NEXMIF: variants seen among roughly 807,000 people sequenced by gnomAD.
The protein encoded by NEXMIF is XLMR protein related to neurite extension.
NEXMIF carries 8 observed loss-of-function variants against 62.1 expected under a neutral mutation model. The ratio of observed to expected loss-of-function variants is 0.13; its 90% confidence interval spans 0.08 to 0.23. The LOEUF (loss-of-function observed/expected upper bound fraction) is 0.23. Among genes scored for constraint, NEXMIF ranks in the 10% least tolerant of loss-of-function variants. The pLI is 1.00. For missense variants in NEXMIF, 976 were observed against 1,113.3 expected (o/e 0.88, Z 1.75); for synonymous variants, 404 against 416.6 (o/e 0.97, Z 0.37).
At position 74,796,231 on chromosome X, in the gene NEXMIF, T is replaced by TATATATATATACATATATA. The variant is rs1569345250; in HGVS notation, c.-47-50535_-47-50534insTATATATGTATATATATAT. Among the ~76,000 whole-genome samples, 491 of 53,295 alleles carry TATATATATATACATATATA rather than the reference T, an allele frequency of 9.2e-3. 5 individuals carry two copies. The highest frequency in any genetic ancestry group is 0.018 in the Middle Eastern group (2 of 111). The allele number at this position is 53,295 out of a possible 115,157, so 46.3% of individuals were successfully genotyped here. ...ATATTATATATATATACATATATAA[T>TATATATATATACATATATA]ATATATATATATACACATATATATT... On this transcript the variant is annotated intron_variant, in intron 1 of 3. Transcript: ENST00000055682.
At chrX:74,904,296 T>C (rs1294332487) in intron 1 of NEXMIF, among the ~76,000 whole-genome samples, 1 of 111,884 alleles carries the variant, frequency 8.9e-6, no homozygotes, top group Non-Finnish European at 1.9e-5. Context: ...ATTGTTATTG[T>C]TGTTTTGTTT....
At chrX:74,807,501 C>T (rs937622536) in intron 1 of NEXMIF, among the ~76,000 whole-genome samples, 7 of 109,713 alleles carry the variant, frequency 6.4e-5, no homozygotes, top group East Asian at 2.9e-4. Context: ...CTTGCTTTGT[C>T]GCCTGGGCTG....
intron 1 of NEXMIF, among the ~76,000 whole-genome samples, chrX:74,844,553 G>A (rs997991010): frequency 1.3e-4 from 15 of 111,179 alleles, no homozygotes; most frequent in African/African-American, 3.3e-4. Flanking sequence ...CTCCCCTGGC[G>A]AGCCTCATGA....
chrX:74,833,529 T>C (rs766302843), intron 1 of NEXMIF, among the ~76,000 whole-genome samples: 7 of 111,993 alleles, frequency 6.3e-5, no homozygotes, highest in Non-Finnish European at 1.1e-4. Flanking sequence ...TTTCATCCAT[T>C]CAGCTATTTT....
At chrX:74,792,475 T>C (rs1485825917) in intron 1 of NEXMIF, among the ~76,000 whole-genome samples, 1 of 107,207 alleles carries the variant, frequency 9.3e-6, no homozygotes, top group African/African-American at 3.4e-5. Flanking sequence ...GAGAGTTCTG[T>C]AGATGTCTAT....
chrX:74,811,352 T>TTC (rs1569347814), intron 1 of NEXMIF, among the ~76,000 whole-genome samples: 1,369 of 111,159 alleles, frequency 0.012, 22 homozygotes, highest in African/African-American at 0.043. Flanking sequence ...CCGCATTCCA[T>TTC]CTGTAGGCTA....
chrX:74,794,472 G>C (rs1289366005), intron 1 of NEXMIF, among the ~76,000 whole-genome samples: 4 of 111,502 alleles, frequency 3.6e-5, no homozygotes, highest in Non-Finnish European at 3.8e-5. Context: ...TACAGAGGCA[G>C]GCAGGCCTCC....
intron 1 of NEXMIF, among the ~76,000 whole-genome samples, chrX:74,787,785 C>G (rs2147462141): frequency 8.9e-6 from 1 of 112,317 alleles, no homozygotes; most frequent in African/African-American, 3.2e-5. Flanking sequence ...AAAAACCTGA[C>G]AACAGTTATG....
chrX:74,863,716 A>G (rs2080566594), intron 1 of NEXMIF, among the ~76,000 whole-genome samples: 3 of 112,101 alleles, frequency 2.7e-5, no homozygotes, highest in African/African-American at 9.7e-5. Flanking sequence ...TTCTGAAACT[A>G]TTCTAAACAA....
chrX:74,833,962 C>T (rs1019696398), intron 1 of NEXMIF, among the ~76,000 whole-genome samples: 1 of 108,989 alleles, frequency 9.2e-6, no homozygotes, highest in South Asian at 4.0e-4. Flanking sequence ...TGGAGAAACC[C>T]CATCTCTACT....
intron 1 of NEXMIF, among the ~76,000 whole-genome samples, chrX:74,807,522 G>T (rs576368192): frequency 9.0e-6 from 1 of 110,533 alleles, no homozygotes; most frequent in African/African-American, 3.3e-5. Context: ...GAGTGCAGTG[G>T]CGCCATCTTG....
At chrX:74,775,132 T>C (rs929651331) in intron 1 of NEXMIF, among the ~76,000 whole-genome samples, 1 of 111,662 alleles carries the variant, frequency 9.0e-6, no homozygotes, top group African/African-American at 3.3e-5. Context: ...GTTGTTTTTA[T>C]TCCTTGCTTC....
chrX:74,914,912 C>T (rs1047743818), intron 1 of NEXMIF, among the ~76,000 whole-genome samples: 19 of 111,872 alleles, frequency 1.7e-4, no homozygotes, highest in East Asian at 1.1e-3. Flanking sequence ...CAGGGCATTA[C>T]GCTGAGTGAA....
intron 1 of NEXMIF, among the ~76,000 whole-genome samples, chrX:74,813,836 T>C (rs931813949): frequency 8.0e-5 from 9 of 112,351 alleles, no homozygotes; most frequent in Non-Finnish European, 1.5e-4. Context: ...ATGCATTTCT[T>C]TCAGTTGTGA....
At chrX:74,765,018 T>C (rs971250859) in intron 1 of NEXMIF, among the ~76,000 whole-genome samples, 2 of 111,730 alleles carry the variant, frequency 1.8e-5, no homozygotes, top group Non-Finnish European at 3.8e-5. Context: ...ATACTGTCAG[T>C]GGAGTGCTAA....
rs73216278 is a variant in NEXMIF at position 74,822,452 on chromosome X, C to G, written c.-47-76755G>C. On this transcript the variant is annotated intron_variant, in intron 1 of 3. Transcript: ENST00000055682. ...AAAGACACCACCAAAAATGGAGAAACAACTCACAGAATGTAATAAGGTATT... is the reference window on the plus strand; with the variant it reads ...AAAGACACCACCAAAAATGGAGAAAGAACTCACAGAATGTAATAAGGTATT... Among the ~76,000 whole-genome samples, 477 of 111,775 alleles carry G rather than the reference C, an allele frequency of 4.3e-3. 2 individuals are homozygous for G. Among genetic ancestry groups the G allele is most frequent in the South Asian group, 0.013 (36 of 2,701 alleles).
In NEXMIF at chrX:74,739,212, A is replaced by T. The variant is rs1035755479; in HGVS notation, c.*193T>A. ...TTTGTAGTTTGGCACAATGTTTTCA[A>T]TTTTTTCCTTGTGGGTAAATAGTGC... is the stretch of plus-strand genomic sequence containing the variant. On this transcript the variant is annotated 3_prime_UTR_variant, in exon 4 of 4. Transcript: ENST00000055682. The T allele has an allele frequency of 2.0e-5, 7 of 342,568 alleles. No homozygotes were observed. The South Asian group carries it at 3.5e-4, about 17-fold the overall frequency. The allele number at this position is 342,568 out of a possible 1,213,427, so 28.2% of individuals were successfully genotyped here.
At chrX:74,911,612 C>T (rs2080790281) in intron 1 of NEXMIF, among the ~76,000 whole-genome samples, 2 of 112,094 alleles carry the variant, frequency 1.8e-5, no homozygotes, top group African/African-American at 3.2e-5. Flanking sequence ...GGTTATAAAG[C>T]ATGTTTATTT....
In NEXMIF at chrX:74,790,584, A is replaced by G. The variant is rs1363963838; in HGVS notation, c.-47-44887T>C. On this transcript the variant is annotated intron_variant, in intron 1 of 3. Transcript: ENST00000055682. ...CCTTGGGCAGTATGGCCATTTTCACAATACTGATTCTTCCTACCCATGAGC... is the reference window on the plus strand; with the variant it reads ...CCTTGGGCAGTATGGCCATTTTCACGATACTGATTCTTCCTACCCATGAGC... 1.7e-3 allele frequency among the ~76,000 whole-genome samples: 193 copies of G among 111,412 alleles called. 1 individual carries two copies. The highest frequency in any genetic ancestry group is 2.7e-3 in the Non-Finnish European group (140 of 51,989).
Sources: gnomAD v4.1 joint callset for allele counts (sites outside exome capture counted in the v4.1 genomes callset) on GRCh38, gnomAD v4.1.1 for gene constraint, MANE v1.5 for transcripts, NCBI Gene and HGNC (gene_info 2026-07-23, HGNC 2026-07-21) for gene names.